Variants in TYW5 observed in about 807,000 individuals in gnomAD.
TYW5 encodes the protein tRNA-yW synthesizing protein 5, also known as tRNA wybutosine-synthesizing protein 5.
TYW5 carries 36 observed loss-of-function variants against 44.4 expected under a neutral mutation model. The ratio of observed to expected loss-of-function variants is 0.81; its 90% CI spans 0.62 to 1.07. The LOEUF (loss-of-function observed/expected upper bound fraction) is 1.07. TYW5 is among the 50% of genes least tolerant of loss of function. The probability of loss-of-function intolerance (pLI) is 0.00; values close to 1 mark genes in which losing one functional copy is unlikely to be tolerated. For synonymous variants in TYW5, 121 were observed against 128.1 expected (o/e 0.94, Z 0.37); for missense variants, 354 against 365.7 (o/e 0.97, Z 0.26).
chr2:199,943,891 A>G, intron 2 of TYW5, 57 bp from the exon 3 acceptor site: 1 of 1,325,922 alleles, frequency 7.5e-7, no homozygotes, highest in Non-Finnish European at 1.1e-6. Context: ...ACTAGTAAGA[A>G]TCTAATCACT....
chr2:199,933,872 C>A (rs914173407), intron 7 of TYW5, among the ~76,000 whole-genome samples: 6 of 152,114 alleles, frequency 3.9e-5, no homozygotes, highest in Admixed American at 1.3e-4. Flanking sequence ...TCTTATATTT[C>A]TTTCAGCTCC....
chr2:199,951,255 T>A (rs1288899842), intron 1 of TYW5, among the ~76,000 whole-genome samples: 1 of 152,216 alleles, frequency 6.6e-6, no homozygotes, highest in East Asian at 1.9e-4. Context: ...AAGAACCTAC[T>A]GAGAACGTTA....
At chr2:199,955,349 C>T (rs2077588555) in intron 1 of TYW5, 44 bp downstream of exon 1, 1 of 1,601,414 alleles carries the variant, frequency 6.2e-7, no homozygotes, top group Non-Finnish European at 8.5e-7. Flanking sequence ...AAAGACGTGT[C>T]TCTCGCTGGT....
intron 7 of TYW5, among the ~76,000 whole-genome samples, chr2:199,934,995 A>G (rs2077407602): frequency 1.3e-5 from 2 of 152,026 alleles, no homozygotes; most frequent in Non-Finnish European, 2.9e-5. Flanking sequence ...TGGCCTTGAA[A>G]GATACTTATC....
chr2:199,936,282 T>A, intron 6 of TYW5, 123 bp downstream of exon 6: 1 of 839,038 alleles, frequency 1.2e-6, no homozygotes, highest in Non-Finnish European at 1.9e-6. Flanking sequence ...TGTTATTACA[T>A]ATATACACAA....
At chr2:199,953,831 T>C (rs896943766) in intron 1 of TYW5, among the ~76,000 whole-genome samples, 2 of 152,206 alleles carry the variant, frequency 1.3e-5, no homozygotes, top group African/African-American at 4.8e-5. Flanking sequence ...TAAAATGTAA[T>C]GATGCTTTGT....
chr2:199,950,583 C>T (rs1045008630), intron 1 of TYW5, among the ~76,000 whole-genome samples: 5 of 152,116 alleles, frequency 3.3e-5, no homozygotes, highest in Non-Finnish European at 7.4e-5. Context: ...CCAAGATGTG[C>T]ACATTAGGTA....
At position 199,940,973 on chromosome 2, in the gene TYW5, AGAT is replaced by A. The variant is rs543685497; in HGVS notation, c.304-843_304-841del. 2.0e-3 allele frequency among the ~76,000 whole-genome samples: 310 copies of A among 152,366 alleles called. 7 individuals carry two copies. The highest frequency in any genetic ancestry group is 0.018 in the Admixed American group (279 of 15,310). ...TATAAATTCTCAAGCCAAATGCTTA[AGAT>A]TCAGCTCATGTATGAATTAGAAAAA... is the stretch of plus-strand genomic sequence containing the variant. On this transcript the variant is annotated intron_variant, in intron 3 of 7. Transcript: ENST00000354611.
chr2:199,949,993 A>C (rs1220600821), intron 1 of TYW5, among the ~76,000 whole-genome samples: 1 of 152,004 alleles, frequency 6.6e-6, no homozygotes, highest in Non-Finnish European at 1.5e-5. Context: ...ACATTATGGC[A>C]AAAAAAAAGA....
At chr2:199,951,572 C>T (rs922642052) in intron 1 of TYW5, among the ~76,000 whole-genome samples, 5 of 152,180 alleles carry the variant, frequency 3.3e-5, no homozygotes, top group African/African-American at 1.2e-4. Context: ...CACACATCCC[C>T]TATGCATAAC....
At chr2:199,943,969 C>T (rs1007548499) in intron 2 of TYW5, 135 bp from the exon 3 acceptor site, 2 of 575,476 alleles carry the variant, frequency 3.5e-6, no homozygotes, top group Admixed American at 7.4e-5. Context: ...TTTATTATAA[C>T]CTATTATGTG....
chr2:199,935,699 G>T (rs1238244322), intron 7 of TYW5, among the ~76,000 whole-genome samples: 2 of 146,164 alleles, frequency 1.4e-5, no homozygotes, highest in African/African-American at 5.0e-5. Context: ...CTTATAATAA[G>T]TTTGCCTAGG....
At position 199,948,446 on chromosome 2, in the gene TYW5, A is replaced by T. The variant is rs1427354219; in HGVS notation, c.105T>A (p.Ile35=). 1 of 1,614,078 alleles carries T rather than the reference A, an allele frequency of 6.2e-7. No individual in the cohort carries two copies. Among genetic ancestry groups the T allele is most frequent in the East Asian group, 2.2e-5 (1 of 44,860 alleles). Residue 35 remains isoleucine, a synonymous_variant, in exon 2 of 8, where the codon ATT becomes ATA. Coordinates refer to ENST00000354611, the MANE Select transcript of TYW5 (RefSeq NM_001039693.3). The part of the protein sequence containing the change: ...PQRKPLVLEG[I]DLGPCTSKWT... The stretch of plus-strand genomic sequence containing the variant: ...ATTTGCTTGTACATGGCCCCAAATC[A>T]ATCCCTTCCAACACAAGAGGTTTTC...
chr2:199,933,978 G>A (rs902595967), intron 7 of TYW5, among the ~76,000 whole-genome samples: 1 of 151,570 alleles, frequency 6.6e-6, no homozygotes, highest in Non-Finnish European at 1.5e-5. Flanking sequence ...TCCTTTTATT[G>A]GGAAATTTAC....
intron 1 of TYW5, among the ~76,000 whole-genome samples, chr2:199,949,131 G>A (rs576993376): frequency 6.6e-6 from 1 of 152,178 alleles, no homozygotes; most frequent in South Asian, 2.1e-4. Flanking sequence ...GCCAAGGGTG[G>A]ATCACTTGAG....
At chr2:199,953,278 G>A (rs529129900) in intron 1 of TYW5, among the ~76,000 whole-genome samples, 13 of 152,014 alleles carry the variant, frequency 8.6e-5, no homozygotes, top group Non-Finnish European at 1.5e-4. Flanking sequence ...AGCCGAGACT[G>A]TGCCACTGTA....
intron 5 of TYW5, 72 bp from the exon 6 acceptor site, chr2:199,936,564 A>AC (rs1361427003): frequency 4.6e-5 from 58 of 1,261,776 alleles, no homozygotes; most frequent in Non-Finnish European, 6.5e-5. Flanking sequence ...GGCATGCTAA[A>AC]CTTTAACTGC....
chr2:199,948,520 A>C, intron 1 of TYW5, 48 bp from the exon 2 acceptor site: 3 of 1,595,224 alleles, frequency 1.9e-6, no homozygotes, highest in Non-Finnish European at 2.6e-6. Flanking sequence ...AACCAACAAC[A>C]CATCAAGAGC....
At chr2:199,946,619 C>A (rs555293733) in intron 2 of TYW5, 1 of 152,278 alleles carries the variant, frequency 6.6e-6, no homozygotes, top group Non-Finnish European at 1.5e-5. Context: ...ACGTATCAAT[C>A]TTCCAATGTT....
Sources: gnomAD v4.1 joint callset for allele counts (sites outside exome capture counted in the v4.1 genomes callset) on GRCh38, gnomAD v4.1.1 for gene constraint, MANE v1.5 for transcripts, NCBI Gene and HGNC (gene_info 2026-07-23, HGNC 2026-07-21) for gene names.